The following AHCYL2 variants were observed in gnomAD, a reference collection of about 807,000 sequenced individuals.
AHCYL2 encodes S-adenosylhomocysteine hydrolase-like protein 2.
AHCYL2 carries 28 observed loss-of-function variants against 81.4 expected under a neutral mutation model. The ratio of observed to expected loss-of-function variants is 0.34; its 90% CI spans 0.25 to 0.47. The LOEUF (loss-of-function observed/expected upper bound fraction) is 0.47, where lower values mean the gene tolerates loss of function less well. Ranked by LOEUF, AHCYL2 falls within the 20% of genes least tolerant of loss-of-function variation. The probability of loss-of-function intolerance (pLI) is 1.00; values close to 1 mark genes in which losing one functional copy is unlikely to be tolerated. For synonymous variants in AHCYL2, 272 were observed against 290.2 expected (o/e 0.94, Z 0.64); for missense variants, 551 against 785.1 (o/e 0.70, Z 3.56).
chr7:129,353,019 C>T (rs931436131), intron 1 of AHCYL2, among the ~76,000 whole-genome samples: 4 of 140,806 alleles, frequency 2.8e-5, no homozygotes, highest in Non-Finnish European at 4.5e-5. Context: ...TCTCTCGGCT[C>T]ACTGCAGCCT....
At chr7:129,263,249 A>C (rs73722907) in intron 1 of AHCYL2, among the ~76,000 whole-genome samples, 509 of 152,348 alleles carry the variant, frequency 3.3e-3, no homozygotes, top group African/African-American at 0.012. Flanking sequence ...CTAGATGCTC[A>C]TATCTGAGAC....
intron 1 of AHCYL2, among the ~76,000 whole-genome samples, chr7:129,333,595 G>A (rs1416774262): frequency 1.3e-5 from 2 of 152,102 alleles, no homozygotes; most frequent in African/African-American, 2.4e-5. Context: ...AGTGAGTGTG[G>A]CAGTTACTCA....
intron 1 of AHCYL2, among the ~76,000 whole-genome samples, chr7:129,295,423 A>G (rs1797019607): frequency 6.6e-6 from 1 of 152,248 alleles, no homozygotes; most frequent in Non-Finnish European, 1.5e-5. Flanking sequence ...AGTTCAGGGA[A>G]TAGTCTTCAA....
At chr7:129,331,652 G>C (rs1309035187) in intron 1 of AHCYL2, among the ~76,000 whole-genome samples, 2 of 151,204 alleles carry the variant, frequency 1.3e-5, no homozygotes, top group Non-Finnish European at 2.9e-5. Context: ...GACCAGCCTG[G>C]CCAAAATAAT....
chr7:129,386,254 G>A (rs1217782130), intron 2 of AHCYL2, among the ~76,000 whole-genome samples: 3 of 152,084 alleles, frequency 2.0e-5, no homozygotes, highest in Non-Finnish European at 4.4e-5. Flanking sequence ...CCTGAGGTCA[G>A]GAGTTCAAGA....
At chr7:129,399,938 C>T (rs1345142478) in intron 5 of AHCYL2, among the ~76,000 whole-genome samples, 1 of 152,074 alleles carries the variant, frequency 6.6e-6, no homozygotes, top group South Asian at 2.1e-4. Context: ...GTTGGCCAGG[C>T]TGGCCTTGAA....
chr7:129,372,219 T>C (rs1002159954), intron 1 of AHCYL2, among the ~76,000 whole-genome samples: 3 of 152,222 alleles, frequency 2.0e-5, no homozygotes, highest in African/African-American at 7.2e-5. Context: ...CACATCTTAT[T>C]ATCTCAGCAT....
chr7:129,405,111 C>G lies in AHCYL2; in HGVS notation c.1040C>G (p.Ser347Cys), dbSNP rs766444287. ...VTGVHRLYQL[S>C]KAGKLCVPAM... is the part of the protein sequence containing the mutation. ...CTCATCCTCAGGCTGTACCAACTGT[C>G]CAAAGCTGGGAAGCTGTGTGTTCCA... Residue 347 changes from serine to cysteine, a missense_variant, in exon 8 of 17, where the codon TCC becomes TGC. By Grantham distance (112) the Ser-to-Cys change is moderately radical. Coordinates refer to ENST00000325006, the MANE Select transcript of AHCYL2 (RefSeq NM_015328.4). 1 of 1,604,610 alleles carries G rather than the reference C, an allele frequency of 6.2e-7. No homozygotes were observed. The highest frequency in any genetic ancestry group is 8.5e-7 in the Non-Finnish European group (1 of 1,175,926).
intron 1 of AHCYL2, among the ~76,000 whole-genome samples, chr7:129,334,235 T>C (rs1311700814): frequency 6.6e-6 from 1 of 152,224 alleles, no homozygotes; most frequent in Non-Finnish European, 1.5e-5. Flanking sequence ...AAACTACAAA[T>C]CCAACTTTAG....
In AHCYL2 at chr7:129,389,065, A is replaced by G; in HGVS notation, c.485A>G (p.Tyr162Cys). The change falls in exon 3 of 17, where the codon TAT becomes TGT. Residue 162 changes from tyrosine to cysteine, a missense_variant. Physicochemically the swap from Tyr to Cys is radical, Grantham distance 194. Around this residue, in one of 2 missense-constraint regions of AHCYL2, gnomAD observed 235 missense variants for 242.1 expected, o/e 0.97. Transcript: ENST00000325006. ...TATTCTGTCATTCCAGCGGCTTCAT[A>G]TACAGATAGCTCTGATGATGAGACA... The part of the protein sequence containing the change: ...STDSYSSAAS[Y>C]TDSSDDETSP... 6.2e-7 allele frequency: 1 copy of G among 1,611,634 alleles called. No homozygotes were observed. The highest frequency in any genetic ancestry group is 1.1e-5 in the South Asian group (1 of 90,668).
chr7:129,418,588 C>T (rs776955916), intron 12 of AHCYL2, among the ~76,000 whole-genome samples: 7 of 152,060 alleles, frequency 4.6e-5, no homozygotes, highest in Admixed American at 2.0e-4. Context: ...CATGAGCCAC[C>T]GCGCCCAGCC....
At chr7:129,282,881 G>T (rs1213039203) in intron 1 of AHCYL2, among the ~76,000 whole-genome samples, 1 of 151,994 alleles carries the variant, frequency 6.6e-6, no homozygotes, top group Non-Finnish European at 1.5e-5. Flanking sequence ...AAAAATATTT[G>T]TTAGGTGGGG....
intron 6 of AHCYL2, among the ~76,000 whole-genome samples, chr7:129,402,555 C>T (rs1056110408): frequency 6.6e-6 from 1 of 152,186 alleles, no homozygotes; most frequent in African/African-American, 2.4e-5. Context: ...TAGGGAAGGA[C>T]TGAAGTGTCA....
intron 1 of AHCYL2, among the ~76,000 whole-genome samples, chr7:129,306,957 C>G (rs1260781610): frequency 1.3e-5 from 2 of 152,164 alleles, no homozygotes; most frequent in Non-Finnish European, 2.9e-5. Context: ...AACGGAGTCT[C>G]TCTCTGTCTC....
At position 129,389,722 on chromosome 7, in the gene AHCYL2, T is replaced by C. The variant is rs1051280385; in HGVS notation, c.708T>C (p.Thr236=). The C allele has an allele frequency of 6.2e-7, 1 of 1,607,674 alleles. No individual in the cohort carries two copies. The highest frequency in any genetic ancestry group is 1.3e-5 in the African/African-American group (1 of 74,480). The change falls in exon 4 of 17, where the codon ACT becomes ACC. Residue 236 remains threonine (T), a synonymous_variant. Coordinates refer to ENST00000325006, the MANE Select transcript of AHCYL2 (RefSeq NM_015328.4). ...GAKIVGCTHI[T]AQTAVLMETL... ...AAATCGTGGGTTGCACACACATCAC[T>C]GCTCAGACTGCTGTGAGTTCTTTTC...
chr7:129,331,249 G>A (rs1243784539), intron 1 of AHCYL2, among the ~76,000 whole-genome samples: 2 of 152,070 alleles, frequency 1.3e-5, no homozygotes, highest in East Asian at 3.8e-4. Flanking sequence ...TGCTTTTCTG[G>A]CGGGTACTTT....
intron 1 of AHCYL2, among the ~76,000 whole-genome samples, 199 bp downstream of exon 1, chr7:129,225,638 C>T (rs1384646436): frequency 6.6e-6 from 1 of 152,142 alleles, no homozygotes; most frequent in Non-Finnish European, 1.5e-5. Flanking sequence ...CCAGGAGGCA[C>T]GGCCGTACTT....
intron 5 of AHCYL2, 22 bp from the exon 6 acceptor site, chr7:129,400,268 C>G (rs775907121): frequency 6.2e-7 from 1 of 1,610,142 alleles, no homozygotes; most frequent in South Asian, 1.1e-5. Flanking sequence ...TAATGGTTTC[C>G]CTTTGTTCCT....
intron 1 of AHCYL2, among the ~76,000 whole-genome samples, chr7:129,312,236 C>T (rs1797684365): frequency 6.6e-6 from 1 of 152,150 alleles, no homozygotes; most frequent in Admixed American, 6.5e-5. Flanking sequence ...AAGCGTTCAC[C>T]ACCATGCCTG....
Sources: gnomAD v4.1 joint callset for allele counts (sites outside exome capture counted in the v4.1 genomes callset) on GRCh38, gnomAD v4.1.1 for gene constraint, gnomAD v4.1.1 regional missense constraint, MANE v1.5 for transcripts, NCBI Gene and HGNC (gene_info 2026-07-23, HGNC 2026-07-21) for gene names.